Variants in CBFA2T2 observed in about 807,000 individuals in gnomAD.
CBFA2T2 encodes CBFA2/RUNX1 partner transcriptional co-repressor 2.
CBFA2T2 carries 11 observed loss-of-function variants against 62.2 expected under a neutral mutation model. The ratio of observed to expected loss-of-function variants is 0.18; its 90% CI spans 0.11 to 0.29. CBFA2T2 has a LOEUF of 0.29. Among genes scored for constraint, CBFA2T2 ranks in the 10% least tolerant of loss-of-function variants. The pLI is 1.00. For missense variants in CBFA2T2, 592 were observed against 774.1 expected (o/e 0.76, Z 2.79); for synonymous variants, 295 against 287.5 (o/e 1.03, Z -0.27).
At chr20:33,600,872 C>T (rs961315061) in intron 1 of CBFA2T2, among the ~76,000 whole-genome samples, 1 of 151,982 alleles carries the variant, frequency 6.6e-6, no homozygotes, top group African/African-American at 2.4e-5. Context: ...AAATCCAGGA[C>T]CAAATTATTG....
At chr20:33,501,117 C>G (rs1455198060) in intron 1 of CBFA2T2, among the ~76,000 whole-genome samples, 1 of 152,048 alleles carries the variant, frequency 6.6e-6, no homozygotes, top group Non-Finnish European at 1.5e-5. Context: ...TCAGAATAAC[C>G]CAGAGCTTGG....
At chr20:33,529,749 A>T (rs1484035739) in intron 1 of CBFA2T2, among the ~76,000 whole-genome samples, 2 of 1,290 alleles carry the variant, frequency 1.6e-3, no homozygotes, top group Non-Finnish European at 0.12. Context: ...GCAGTTATAT[A>T]TATATATATA....
chr20:33,614,518 C>G (rs1484973807), intron 3 of CBFA2T2, among the ~76,000 whole-genome samples: 2 of 152,172 alleles, frequency 1.3e-5, no homozygotes, highest in Admixed American at 6.5e-5. Context: ...CTCCAAAACT[C>G]TTTTCATCTT....
chr20:33,531,547 T>G (rs1285974776), intron 1 of CBFA2T2, among the ~76,000 whole-genome samples: 1 of 152,224 alleles, frequency 6.6e-6, no homozygotes, highest in Non-Finnish European at 1.5e-5. Context: ...TAGACCTTCC[T>G]AATAATTTCT....
intron 1 of CBFA2T2, among the ~76,000 whole-genome samples, chr20:33,545,564 A>T (rs1223104987): frequency 6.6e-6 from 1 of 151,880 alleles, no homozygotes; most frequent in Non-Finnish European, 1.5e-5. Context: ...CTCCTGCCTC[A>T]GCCTCCTGAG....
At chr20:33,604,171 A>G (rs2015250005) in intron 1 of CBFA2T2, among the ~76,000 whole-genome samples, 1 of 152,240 alleles carries the variant, frequency 6.6e-6, no homozygotes, top group Non-Finnish European at 1.5e-5. Context: ...CACAGAAAAC[A>G]GATGTTAATA....
At chr20:33,566,421 C>T (rs369965778) in intron 1 of CBFA2T2, among the ~76,000 whole-genome samples, 3 of 152,028 alleles carry the variant, frequency 2.0e-5, no homozygotes, top group Admixed American at 6.6e-5. Context: ...GCCTGGCCAA[C>T]GTGGCGAAAC....
intron 1 of CBFA2T2, among the ~76,000 whole-genome samples, chr20:33,493,455 C>A (rs147797752): frequency 6.2e-4 from 95 of 152,264 alleles, no homozygotes; most frequent in Middle Eastern, 3.4e-3. Context: ...AACCCCTGAG[C>A]CAGAGTCCTT....
chr20:33,586,413 G>A (rs532725295), intron 1 of CBFA2T2, among the ~76,000 whole-genome samples: 1 of 151,776 alleles, frequency 6.6e-6, no homozygotes, highest in African/African-American at 2.4e-5. Context: ...GGATTACAGG[G>A]GTGAGCCACC....
At chr20:33,516,058 C>G (rs894466460) in intron 1 of CBFA2T2, among the ~76,000 whole-genome samples, 2 of 148,670 alleles carry the variant, frequency 1.3e-5, no homozygotes, top group African/African-American at 5.0e-5. Flanking sequence ...GAGGCTAAGC[C>G]CAGGAGGTTG....
chr20:33,551,760 G>C (rs748351624), intron 1 of CBFA2T2, among the ~76,000 whole-genome samples: 1 of 152,032 alleles, frequency 6.6e-6, no homozygotes, highest in Non-Finnish European at 1.5e-5. Flanking sequence ...TTGAACTCCT[G>C]ACCTCAAGAA....
At chr20:33,501,630 CTTTTTTTTTT>C (rs869281966) in intron 1 of CBFA2T2, among the ~76,000 whole-genome samples, 21 of 63,262 alleles carry the variant, frequency 3.3e-4, no homozygotes, top group South Asian at 7.0e-4. Flanking sequence ...CTTAGCCTTC[CTTTTTTTTTT>C]TTTTTTTTTT....
intron 1 of CBFA2T2, among the ~76,000 whole-genome samples, chr20:33,530,701 C>A (rs2012035359): frequency 6.6e-6 from 1 of 152,158 alleles, no homozygotes; most frequent in African/African-American, 2.4e-5. Flanking sequence ...GCGTGAGCCA[C>A]TGCACCAGCC....
chr20:33,624,879 A>C lies in CBFA2T2; in HGVS notation c.808A>C (p.Asn270His), dbSNP rs1568861572. Residue 270 changes from asparagine (N) to histidine (H), a missense_variant, in exon 6 of 11, where the codon AAT (asparagine) becomes CAT (histidine). Coordinates refer to ENST00000342704, the MANE Select transcript of CBFA2T2 (RefSeq NM_001032999.3). ...HSPALTVPLM[N>H]PGGQFHPTPP... ...TCCTGCTCTCACTGTGCCCCTCATG[A>C]ATCCCGGGGGCCAATTCCATCCTAC... The C allele has an allele frequency of 6.2e-7, 1 of 1,614,068 alleles. No individual in the cohort carries two copies. The highest frequency in any genetic ancestry group is 8.5e-7 in the Non-Finnish European group (1 of 1,180,008).
intron 6 of CBFA2T2, 66 bp from the exon 7 acceptor site, chr20:33,628,284 T>A: frequency 9.8e-7 from 1 of 1,019,868 alleles, no homozygotes; most frequent in Non-Finnish European, 1.6e-6. Flanking sequence ...GTGTATTTAC[T>A]TGGTAGAATT....
In CBFA2T2 at chr20:33,648,299, C is replaced by T. The variant is rs148800750; in HGVS notation, c.*3653C>T. The T allele has an allele frequency of 3.9e-5, 6 of 152,370 alleles. No individual in the cohort carries two copies. The highest frequency in any genetic ancestry group is 9.6e-5 in the African/African-American group (4 of 41,570). The allele number at this position is 152,370 out of a possible 1,614,324, so 9.4% of individuals were successfully genotyped here. On this transcript the variant is annotated 3_prime_UTR_variant, in exon 11 of 11. Coordinates refer to ENST00000342704, the MANE Select transcript of CBFA2T2 (RefSeq NM_001032999.3). ...ACATGTCTAGGGTGAGACCAGTGCT[C>T]AGCACCACCCGCCAAGGAACACTGA...
chr20:33,589,518 G>C (rs2014520848), intron 1 of CBFA2T2, among the ~76,000 whole-genome samples: 1 of 152,166 alleles, frequency 6.6e-6, no homozygotes, highest in Non-Finnish European at 1.5e-5. Context: ...TAGTTGTCCA[G>C]ATTTCTCTGG....
intron 1 of CBFA2T2, among the ~76,000 whole-genome samples, chr20:33,591,708 C>T (rs1259866437): frequency 1.3e-5 from 2 of 152,138 alleles, no homozygotes; most frequent in Non-Finnish European, 2.9e-5. Flanking sequence ...GTTAATAGCA[C>T]ATTAAAGTTT....
intron 3 of CBFA2T2, among the ~76,000 whole-genome samples, chr20:33,613,670 T>C (rs2122305432): frequency 6.6e-6 from 1 of 152,328 alleles, no homozygotes; most frequent in Non-Finnish European, 1.5e-5. Flanking sequence ...TGAACCATAC[T>C]GTTCGCAGAA....
Sources: allele counts gnomAD v4.1 joint callset (sites outside exome capture counted in the v4.1 genomes callset), GRCh38; gene constraint gnomAD v4.1.1; transcripts MANE v1.5; gene names NCBI Gene and HGNC (gene_info 2026-07-23, HGNC 2026-07-21).